Variants in OR1L8 observed in about 807,000 individuals in gnomAD.
OR1L8 encodes olfactory receptor 1L8.
For synonymous variants in OR1L8, 148 were observed against 147.0 expected (o/e 1.01, Z -0.05); for missense variants, 330 against 377.4 (o/e 0.87, Z 1.04).
At chr9:122,582,211 T>C (rs780297805) in intron 1 of OR1L8, among the ~76,000 whole-genome samples, 22 of 152,222 alleles carry the variant, frequency 1.4e-4, no homozygotes, top group Non-Finnish European at 2.5e-4. Context: ...TTGACAAGGA[T>C]ATATTTTTAA....
the OR1L8 span, among the ~76,000 whole-genome samples, chr9:122,554,769 C>T: frequency 6.6e-6 from 1 of 151,622 alleles, no homozygotes; most frequent in African/African-American, 2.4e-5. Flanking sequence ...TTATGGTATT[C>T]CTTACTATTT....
intron 1 of OR1L8, among the ~76,000 whole-genome samples, chr9:122,579,112 C>T (rs11792327): frequency 0.026 from 3,937 of 151,642 alleles, 117 homozygotes; most frequent in African/African-American, 0.07. Context: ...GGATAGTACA[C>T]GTAAGAGAAA....
the OR1L8 span, among the ~76,000 whole-genome samples, chr9:122,555,674 G>A: frequency 1.3e-5 from 2 of 152,132 alleles, no homozygotes; most frequent in Non-Finnish European, 2.9e-5. Context: ...AATTTGTAGG[G>A]CAGGCTGGAA....
the OR1L8 span, among the ~76,000 whole-genome samples, chr9:122,546,428 C>T: frequency 6.6e-6 from 1 of 152,114 alleles, no homozygotes; most frequent in Admixed American, 6.6e-5. Flanking sequence ...AAGCAGCTTC[C>T]GCCTTGGTCT....
At chr9:122,566,226 A>G (rs1345599548), downstream of OR1L8, among the ~76,000 whole-genome samples, 1 of 152,250 alleles carries the variant, frequency 6.6e-6, no homozygotes, top group Non-Finnish European at 1.5e-5. Context: ...GCACTCAGAA[A>G]GTTTTTCTTC....
chr9:122,555,038 A>G, the OR1L8 span, among the ~76,000 whole-genome samples: 7 of 151,838 alleles, frequency 4.6e-5, no homozygotes, highest in South Asian at 2.1e-4. Flanking sequence ...TCTTTTTGCA[A>G]TGAAATTCTA....
intron 4 of OR1L8, 48 bp from the exon 5 acceptor site, chr9:122,568,737 A>C: frequency 5.4e-6 from 2 of 368,996 alleles, no homozygotes; most frequent in Non-Finnish European, 9.6e-6. Context: ...TCAGAAGTGG[A>C]CTCCTCTAAT....
the OR1L8 span, chr9:122,553,073 G>T: frequency 1.2e-6 from 1 of 839,388 alleles, no homozygotes; most frequent in Non-Finnish European, 1.9e-6. Context: ...ATTCTTATTG[G>T]CAAAGACCAT....
the OR1L8 span, among the ~76,000 whole-genome samples, chr9:122,552,104 C>A: frequency 8.6e-5 from 13 of 151,920 alleles, no homozygotes; most frequent in South Asian, 8.3e-4. Flanking sequence ...TATACACCTT[C>A]CTTCCCAGTT....
chr9:122,549,864 G>A, the OR1L8 span, among the ~76,000 whole-genome samples: 4 of 152,014 alleles, frequency 2.6e-5, no homozygotes, highest in African/African-American at 7.2e-5. Context: ...GGTTCCATAT[G>A]AATTTTAGGA....
chr9:122,563,476 C>T (rs779994308), downstream of OR1L8, among the ~76,000 whole-genome samples: 1 of 151,866 alleles, frequency 6.6e-6, no homozygotes, highest in African/African-American at 2.4e-5. Context: ...TTGTTGTTAT[C>T]GAGACATTTG....
At chr9:122,577,881 GTGTT>G (rs34954658) in intron 2 of OR1L8, among the ~76,000 whole-genome samples, 20,619 of 152,058 alleles carry the variant, frequency 0.14, 1,501 homozygotes, top group Middle Eastern at 0.2. Context: ...ACCAAATATA[GTGTT>G]TGTTTGGCAT....
intron 1 of OR1L8, among the ~76,000 whole-genome samples, chr9:122,580,813 T>C (rs1367233995): frequency 6.6e-6 from 1 of 152,110 alleles, no homozygotes; most frequent in Non-Finnish European, 1.5e-5. Flanking sequence ...AATATACTTT[T>C]GTTCTAGGCT....
Position 122,568,188 on chromosome 9 carries a change from C to G in OR1L8, c.290G>C (p.Gly97Ala). 1.9e-6 allele frequency: 3 copies of G among 1,614,126 alleles called. No homozygotes were observed. The highest frequency in any genetic ancestry group is 2.5e-6 in the Non-Finnish European group (3 of 1,180,020). The change falls in exon 5 of 5, where the codon GGG becomes GCG. Residue 97 changes from glycine (G) to alanine (A), a missense_variant. Coordinates refer to ENST00000641027, the MANE Select transcript of OR1L8 (RefSeq NM_001004454.2). ...LSEKKTISYA[G>A]CLTQMYFLYA... is the part of the protein sequence containing the mutation. ...GAGAAAATACATCTGTGTCAGACACCCAGCATAGGAGATGGTCTTCTTTTC... is the reference window on the plus strand; with the variant it reads ...GAGAAAATACATCTGTGTCAGACACGCAGCATAGGAGATGGTCTTCTTTTC...
chr9:122,574,612 A>T (rs1829610233), intron 3 of OR1L8, among the ~76,000 whole-genome samples: 2 of 146,466 alleles, frequency 1.4e-5, no homozygotes, highest in South Asian at 4.2e-4. Flanking sequence ...GATTTTCTAT[A>T]TAGACAATCA....
At chr9:122,555,864 C>T in the OR1L8 span, among the ~76,000 whole-genome samples, 2 of 152,190 alleles carry the variant, frequency 1.3e-5, no homozygotes, top group Non-Finnish European at 2.9e-5. Context: ...ATCCATTAGC[C>T]TCCACTGACA....
downstream of OR1L8, among the ~76,000 whole-genome samples, chr9:122,563,921 A>C (rs1426312306): frequency 6.6e-6 from 1 of 152,238 alleles, no homozygotes; most frequent in African/African-American, 2.4e-5. Context: ...AGTTGGCTAT[A>C]GATACATGAT....
At chr9:122,581,718 G>A (rs1394389549) in intron 1 of OR1L8, among the ~76,000 whole-genome samples, 2 of 151,940 alleles carry the variant, frequency 1.3e-5, no homozygotes, top group Non-Finnish European at 2.9e-5. Context: ...AGGCTGAGGC[G>A]GGTAGATCAC....
At chr9:122,558,983 A>G in the OR1L8 span, among the ~76,000 whole-genome samples, 5 of 152,240 alleles carry the variant, frequency 3.3e-5, no homozygotes, top group South Asian at 1.0e-3. Context: ...ACCTGTATAC[A>G]TTGTGTAATA....
Sources: allele counts gnomAD v4.1 joint callset (sites outside exome capture counted in the v4.1 genomes callset), GRCh38; gene constraint gnomAD v4.1.1; transcripts MANE v1.5; gene names NCBI Gene and HGNC (gene_info 2026-07-23, HGNC 2026-07-21).